The following PCBP1 variants were observed in gnomAD, a reference collection of about 807,000 sequenced individuals.
The protein encoded by PCBP1 is poly(rC)-binding protein 1.
For missense variants in PCBP1, 244 were observed against 474.4 expected (o/e 0.51, Z 4.51); for synonymous variants, 284 against 195.8 (o/e 1.45, Z -3.76).
chr2:70,087,520 G>GCCCA lies in PCBP1; in HGVS notation c.-220_-217dup, dbSNP rs1389157424. ...CCGGAGTCGCCACCGCCGCGCCCTC[G>GCCCA]CCCACCCGCCCGCCCGCCGCTCCCG... On this transcript the variant is annotated 5_prime_UTR_variant, in exon 1 of 1. Coordinates refer to ENST00000303577, the MANE Select transcript of PCBP1 (RefSeq NM_006196.4). 2 of 102,032 alleles carry GCCCA rather than the reference G, an allele frequency of 2.0e-5. No homozygotes were observed. The highest frequency in any genetic ancestry group is 7.8e-5 in the African/African-American group (2 of 25,576). The allele number at this position is 102,032 out of a possible 1,614,324, so 6.3% of individuals were successfully genotyped here.
In PCBP1 at chr2:70,088,127, G is replaced by A. The variant is rs1372068895; in HGVS notation, c.384G>A (p.Gly128=). The change falls in exon 1 of 1, where the codon GGG becomes GGA. Residue 128 remains glycine (G), a synonymous_variant. Coordinates refer to ENST00000303577, the MANE Select transcript of PCBP1 (RefSeq NM_006196.4). This position sits in a 1 kb window ranked among gnomAD's most constrained non-coding sequence, Gnocchi z 4.5. ...TCAAAGAGATCCGCGAGAGTACGGG[G>A]GCGCAGGTCCAGGTGGCGGGGGATA... ...CKIKEIREST[G]AQVQVAGDML... The A allele has an allele frequency of 1.9e-6, 3 of 1,613,872 alleles. No homozygotes were observed. In the South Asian group the frequency reaches 3.3e-5, roughly 18 times the overall value.
rs774768147 is a variant in PCBP1 at position 70,089,088 on chromosome 2, A to G, written c.*274A>G. On this transcript the variant is annotated 3_prime_UTR_variant, in exon 1 of 1. Transcript: ENST00000303577. ...TCTGTTTGTCGATAAGAAATGTAAGAGTGGAATGTTAATAAATTTCAGTTT... is the reference window on the plus strand; with the variant it reads ...TCTGTTTGTCGATAAGAAATGTAAGGGTGGAATGTTAATAAATTTCAGTTT... The G allele has an allele frequency of 1.6e-5, 6 of 381,352 alleles. No individual in the cohort carries two copies. The highest frequency in any genetic ancestry group is 2.5e-5 in the Non-Finnish European group (5 of 203,502). The allele number at this position is 381,352 out of a possible 1,614,324, so 23.6% of individuals were successfully genotyped here. A position where few individuals can be genotyped will look rare whatever the true frequency, so the allele number is the denominator to read the frequency against.
Position 70,087,844 on chromosome 2 carries a change from A to T in PCBP1, c.101A>T (p.Glu34Val). 1 of 1,611,498 alleles carries T rather than the reference A, an allele frequency of 6.2e-7. No homozygotes were observed. The highest frequency in any genetic ancestry group is 8.5e-7 in the Non-Finnish European group (1 of 1,178,290). The change falls in exon 1 of 1, where the codon GAG becomes GTG. Residue 34 changes from glutamate (E) to valine (V), a missense_variant. Coordinates refer to ENST00000303577, the MANE Select transcript of PCBP1 (RefSeq NM_006196.4). ...GGAAGCATCATTGGGAAGAAAGGGGAGTCGGTTAAGAGGATCCGCGAGGAG... is the reference window on the plus strand; with the variant it reads ...GGAAGCATCATTGGGAAGAAAGGGGTGTCGGTTAAGAGGATCCGCGAGGAG... ...EVGSIIGKKGESVKRIREESG... is the reference protein window; with the variant it reads ...EVGSIIGKKGVSVKRIREESG...
chr2:70,088,993 C>G lies in PCBP1; in HGVS notation c.*179C>G, dbSNP rs189462743. On this transcript the variant is annotated 3_prime_UTR_variant, in exon 1 of 1. Coordinates refer to ENST00000303577, the MANE Select transcript of PCBP1 (RefSeq NM_006196.4). The surrounding 1 kb of genome is among the most constrained non-coding windows in gnomAD (Gnocchi z 4.5). Reference sequence around the variant, plus strand: ...CTGTTCAGCTGTTAATGCTGGGATCCATATTTAGTTTTATAAGCTTTTCCC... The same window carrying G: ...CTGTTCAGCTGTTAATGCTGGGATCGATATTTAGTTTTATAAGCTTTTCCC... The G allele has an allele frequency of 1.9e-6, 1 of 534,038 alleles. No homozygotes were observed. The highest frequency in any genetic ancestry group is 3.0e-5 in the East Asian group (1 of 33,448). 33.1% of individuals were successfully genotyped at this position (534,038 alleles called of 1,614,324 possible).
At position 70,087,990 on chromosome 2, in the gene PCBP1, A is replaced by G. The variant is rs759354974; in HGVS notation, c.247A>G (p.Ile83Val). 3 of 1,613,890 alleles carry G rather than the reference A, an allele frequency of 1.9e-6. No homozygotes were observed. The South Asian group carries it at 3.3e-5, about 18-fold the overall frequency. The change falls in exon 1 of 1, where the codon ATC becomes GTC. Residue 83 changes from isoleucine (I) to valine (V), a missense_variant. By Grantham distance (29) the Ile-to-Val change is conservative. Coordinates refer to ENST00000303577, the MANE Select transcript of PCBP1 (RefSeq NM_006196.4). ...AMIIDKLEED[I>V]NSSMTNSTAA... Reference sequence around the variant, plus strand: ...GATCATCGACAAGCTGGAGGAAGATATCAACAGCTCCATGACCAACAGTAC... The same window carrying G: ...GATCATCGACAAGCTGGAGGAAGATGTCAACAGCTCCATGACCAACAGTAC...
Position 70,088,864 on chromosome 2 carries a change from C to T in PCBP1, c.*50C>T. 1 of 1,334,110 alleles carries T rather than the reference C, an allele frequency of 7.5e-7. No individual in the cohort carries two copies. 82.6% of individuals were successfully genotyped at this position (1,334,110 alleles called of 1,614,324 possible). ...CCCTTTCTGCTGTTCTCCCATGATC[C>T]AACTGTGTAATTTCTGGTCAGTGAT... On this transcript the variant is annotated 3_prime_UTR_variant, in exon 1 of 1. Coordinates refer to ENST00000303577, the MANE Select transcript of PCBP1 (RefSeq NM_006196.4). The surrounding 1 kb of genome is among the most constrained non-coding windows in gnomAD (Gnocchi z 4.5).
chr2:70,087,736 C>T lies in PCBP1; in HGVS notation c.-8C>T, dbSNP rs200397009. 12 of 1,528,810 alleles carry T rather than the reference C, an allele frequency of 7.8e-6. No homozygotes were observed. The highest frequency in any genetic ancestry group is 5.1e-5 in the South Asian group (4 of 78,868). The allele number at this position is 1,528,810 out of a possible 1,614,324, so 94.7% of individuals were successfully genotyped here. A position where few individuals can be genotyped will look rare whatever the true frequency, so the allele number is the denominator to read the frequency against. ...CCCAACTCCCCCGAACGCCGCCCGC[C>T]GCTCGCCATGGATGCCGGTGTGACT... On this transcript the variant is annotated 5_prime_UTR_variant, in exon 1 of 1. Coordinates refer to ENST00000303577, the MANE Select transcript of PCBP1 (RefSeq NM_006196.4).
Position 70,088,190 on chromosome 2 carries a change from T to C in PCBP1, c.447T>C (p.Ala149=), listed in dbSNP as rs752767217. 1.2e-6 allele frequency: 2 copies of C among 1,613,984 alleles called. No individual in the cohort carries two copies. Among genetic ancestry groups the C allele is most frequent in the Admixed American group, 3.3e-5 (2 of 60,020 alleles). ...CCACCGAGCGGGCCATCACCATCGC[T>C]GGCGTGCCGCAGTCTGTCACCGAGT... ...PNSTERAITI[A]GVPQSVTECV... The change falls in exon 1 of 1, where the codon GCT becomes GCC. Residue 149 remains alanine (A), a synonymous_variant. Coordinates refer to ENST00000303577, the MANE Select transcript of PCBP1 (RefSeq NM_006196.4). This position sits in a 1 kb window ranked among gnomAD's most constrained non-coding sequence, Gnocchi z 4.5.
Position 70,088,411 on chromosome 2 carries a change from C to T in PCBP1, c.668C>T (p.Ser223Leu), listed in dbSNP as rs757437176. The T allele has an allele frequency of 1.9e-6, 3 of 1,614,152 alleles. No homozygotes were observed. The highest frequency in any genetic ancestry group is 2.2e-5 in the East Asian group (1 of 44,888). Residue 223 changes from serine (S) to leucine (L), a missense_variant, in exon 1 of 1, where the codon TCG becomes TTG. Transcript: ENST00000303577. The surrounding 1 kb of genome is among the most constrained non-coding windows in gnomAD (Gnocchi z 4.5). ...DLEGPPLDAYSIQGQHTISPL... is the reference protein window; with the variant it reads ...DLEGPPLDAYLIQGQHTISPL... ...GAGGGACCACCTCTAGATGCCTACT[C>T]GATTCAAGGACAACACACCATTTCT...
rs113819956 is a variant in PCBP1, at chr2:70,088,388, G to A, written c.645G>A (p.Glu215=). 6.8e-6 allele frequency: 11 copies of A among 1,613,758 alleles called. No homozygotes were observed. The African/African-American group carries it at 8.0e-5, about 12-fold the overall frequency. The change falls in exon 1 of 1, where the codon GAG becomes GAA. Residue 215 remains glutamate, a synonymous_variant. Transcript: ENST00000303577. This position sits in a 1 kb window ranked among gnomAD's most constrained non-coding sequence, Gnocchi z 4.5. ...AGYPHATHDL[E]GPPLDAYSIQ... is the part of the protein sequence containing the mutation. ...ACCCCCATGCCACCCATGACCTGGAGGGACCACCTCTAGATGCCTACTCGA... is the reference window on the plus strand; with the variant it reads ...ACCCCCATGCCACCCATGACCTGGAAGGACCACCTCTAGATGCCTACTCGA...
In PCBP1 at chr2:70,088,995, T is replaced by C. The variant is rs1671385913; in HGVS notation, c.*181T>C. ...GTTCAGCTGTTAATGCTGGGATCCA[T>C]ATTTAGTTTTATAAGCTTTTCCCTG... On this transcript the variant is annotated 3_prime_UTR_variant, in exon 1 of 1. Transcript: ENST00000303577. The surrounding 1 kb of genome is among the most constrained non-coding windows in gnomAD (Gnocchi z 4.5). 2 of 531,110 alleles carry C rather than the reference T, an allele frequency of 3.8e-6. No homozygotes were observed. Among genetic ancestry groups the C allele is most frequent in the Non-Finnish European group, 6.7e-6 (2 of 298,402 alleles). The allele number at this position is 531,110 out of a possible 1,614,324, so 32.9% of individuals were successfully genotyped here.
Position 70,089,171 on chromosome 2 carries a change from A to G in PCBP1, c.*357A>G, listed in dbSNP as rs1292006150. 2 of 213,426 alleles carry G rather than the reference A, an allele frequency of 9.4e-6. No homozygotes were observed. The highest frequency in any genetic ancestry group is 2.5e-4 in the East Asian group (2 of 8,082). 13.2% of individuals were successfully genotyped at this position (213,426 alleles called of 1,614,324 possible). ...AAACGGATTGGTTAAAAAATGCTTC[A>G]TATTTGAAAAAGCTGGGAATTGCTG... On this transcript the variant is annotated 3_prime_UTR_variant, in exon 1 of 1. Coordinates refer to ENST00000303577, the MANE Select transcript of PCBP1 (RefSeq NM_006196.4).
At position 70,088,082 on chromosome 2, in the gene PCBP1, T is replaced by A. The variant is rs1298693159; in HGVS notation, c.339T>A (p.Ile113=). ...VVPATQCGSL[I]GKGGCKIKEI... ...CGGCCACCCAGTGCGGCTCCCTGATTGGGAAAGGCGGGTGTAAGATCAAAG... is the reference window on the plus strand; with the variant it reads ...CGGCCACCCAGTGCGGCTCCCTGATAGGGAAAGGCGGGTGTAAGATCAAAG... Residue 113 remains isoleucine (I), a synonymous_variant, in exon 1 of 1, where the codon ATT becomes ATA. Transcript: ENST00000303577. This position sits in a 1 kb window ranked among gnomAD's most constrained non-coding sequence, Gnocchi z 4.5. 6.2e-7 allele frequency: 1 copy of A among 1,613,448 alleles called. No individual in the cohort carries two copies. Among genetic ancestry groups the A allele is most frequent in the South Asian group, 1.1e-5 (1 of 91,072 alleles).
Position 70,087,707 on chromosome 2 carries a change from C to T in PCBP1, c.-37C>T. ...AGCCGCCAAAGACTTGACCACGTAA[C>T]GAGCCCAACTCCCCCGAACGCCGCC... is the stretch of plus-strand genomic sequence containing the variant. On this transcript the variant is annotated 5_prime_UTR_variant, in exon 1 of 1. In the 5' UTR this introduces an upstream ATG that the reference lacks. Transcript: ENST00000303577. The T allele has an allele frequency of 7.2e-7, 1 of 1,386,360 alleles. No individual in the cohort carries two copies. Among genetic ancestry groups the T allele is most frequent in the Non-Finnish European group, 9.9e-7 (1 of 1,011,412 alleles). 85.9% of individuals were successfully genotyped at this position (1,386,360 alleles called of 1,614,324 possible).
Position 70,088,842 on chromosome 2 carries a change from T to G in PCBP1, c.*28T>G, listed in dbSNP as rs1194875392. Reference sequence around the variant, plus strand: ...CAGTGTAGGTTCCCTCAATAACCCCTTTCTGCTGTTCTCCCATGATCCAAC... The same window carrying G: ...CAGTGTAGGTTCCCTCAATAACCCCGTTCTGCTGTTCTCCCATGATCCAAC... On this transcript the variant is annotated 3_prime_UTR_variant, in exon 1 of 1. Coordinates refer to ENST00000303577, the MANE Select transcript of PCBP1 (RefSeq NM_006196.4). This position sits in a 1 kb window ranked among gnomAD's most constrained non-coding sequence, Gnocchi z 4.5. The G allele has an allele frequency of 6.7e-7, 1 of 1,491,148 alleles. No individual in the cohort carries two copies. The highest frequency in any genetic ancestry group is 9.2e-7 in the Non-Finnish European group (1 of 1,086,610). The allele number at this position is 1,491,148 out of a possible 1,614,324, so 92.4% of individuals were successfully genotyped here.
Position 70,087,752 on chromosome 2 carries a change from C to G in PCBP1, c.9C>G (p.Ala3=). MD[A]GVTESGLNVT... The stretch of plus-strand genomic sequence containing the variant: ...GCCGCCCGCCGCTCGCCATGGATGC[C>G]GGTGTGACTGAAAGTGGACTAAATG... The change falls in exon 1 of 1, where the codon GCC becomes GCG. Residue 3 remains alanine (A), a synonymous_variant. Coordinates refer to ENST00000303577, the MANE Select transcript of PCBP1 (RefSeq NM_006196.4). The G allele has an allele frequency of 1.9e-6, 3 of 1,545,224 alleles. No homozygotes were observed. Among genetic ancestry groups the G allele is most frequent in the Non-Finnish European group, 2.6e-6 (3 of 1,141,496 alleles).
At position 70,088,673 on chromosome 2, in the gene PCBP1, G is replaced by T. The variant is rs140997641; in HGVS notation, c.930G>T (p.Gly310=). ...TTAATGAGATCCGCCAGATGTCCGG[G>T]GCCCAGATCAAAATTGCCAACCCAG... The part of the protein sequence containing the change: ...ANINEIRQMS[G]AQIKIANPVE... Residue 310 remains glycine, a synonymous_variant, in exon 1 of 1, where the codon GGG becomes GGT. Transcript: ENST00000303577. This position sits in a 1 kb window ranked among gnomAD's most constrained non-coding sequence, Gnocchi z 4.5. 1.2e-6 allele frequency: 2 copies of T among 1,614,118 alleles called. No homozygotes were observed. Among genetic ancestry groups the T allele is most frequent in the African/African-American group, 2.7e-5 (2 of 74,948 alleles).
At position 70,088,172 on chromosome 2, in the gene PCBP1, G is replaced by C; in HGVS notation, c.429G>C (p.Glu143Asp). 1 of 1,614,030 alleles carries C rather than the reference G, an allele frequency of 6.2e-7. No homozygotes were observed. Among genetic ancestry groups the C allele is most frequent in the Non-Finnish European group, 8.5e-7 (1 of 1,180,036 alleles). The change falls in exon 1 of 1, where the codon GAG becomes GAC. Residue 143 changes from glutamate to aspartate, a missense_variant. Transcript: ENST00000303577. This position sits in a 1 kb window ranked among gnomAD's most constrained non-coding sequence, Gnocchi z 4.5. ...VAGDMLPNST[E>D]RAITIAGVPQ... ...GGGATATGCTGCCCAACTCCACCGA[G>C]CGGGCCATCACCATCGCTGGCGTGC...
chr2:70,088,553 T>C lies in PCBP1; in HGVS notation c.810T>C (p.Tyr270=), dbSNP rs761045577. ...CCAGCTCTCCAGAGGTGAAAGGCTA[T>C]TGGGCAAGTTTGGATGCATCTACTC... ...IDSSSPEVKG[Y]WASLDASTQT... is the part of the protein sequence containing the mutation. The change falls in exon 1 of 1, where the codon TAT becomes TAC. Residue 270 remains tyrosine (Y), a synonymous_variant. Coordinates refer to ENST00000303577, the MANE Select transcript of PCBP1 (RefSeq NM_006196.4). This position sits in a 1 kb window ranked among gnomAD's most constrained non-coding sequence, Gnocchi z 4.5. The C allele has an allele frequency of 2.6e-5, 42 of 1,614,138 alleles. No individual in the cohort carries two copies. The highest frequency in any genetic ancestry group is 3.3e-4 in the Middle Eastern group (2 of 6,084).
Sources: allele counts gnomAD v4.1 joint callset, GRCh38; gene constraint gnomAD v4.1.1; non-coding constraint Gnocchi (gnomAD v3.1); transcripts MANE v1.5; gene names NCBI Gene and HGNC (gene_info 2026-07-23, HGNC 2026-07-21).